Variants in ADGRG4 observed in about 807,000 individuals in gnomAD.
ADGRG4 encodes the protein G protein-coupled receptor 112.
Under a neutral mutation model 126.2 loss-of-function variants are expected in ADGRG4, and 122 were observed. The ratio of observed to expected loss-of-function variants is 0.97; its 90% CI spans 0.83 to 1.12. ADGRG4 has a LOEUF of 1.12. Among genes scored for constraint, ADGRG4 ranks in the 50% most tolerant of loss-of-function variants. The pLI is 0.00. For synonymous variants in ADGRG4, 943 were observed against 838.7 expected (o/e 1.12, Z -2.15); for missense variants, 2,481 against 2,251.8 (o/e 1.10, Z -2.06).
chrX:136,406,870 C>G (rs776395960), intron 23 of ADGRG4, among the ~76,000 whole-genome samples: 2 of 107,174 alleles, frequency 1.9e-5, no homozygotes, highest in Non-Finnish European at 3.8e-5. Context: ...GAGCTATGAT[C>G]GTGCCACTGC....
chrX:136,355,534 A>AAT (rs1446804639), intron 8 of ADGRG4, among the ~76,000 whole-genome samples: 35 of 110,144 alleles, frequency 3.2e-4, no homozygotes, highest in East Asian at 5.7e-4. Context: ...GCTTTACAGA[A>AAT]ATATATATAT....
rs769445242 is a variant in ADGRG4 at position 136,361,456 on chromosome X, G to A, written c.7146G>A (p.Glu2382=). The A allele has an allele frequency of 1.7e-6, 2 of 1,164,236 alleles. No individual in the cohort carries two copies. The highest frequency in any genetic ancestry group is 4.2e-5 in the South Asian group (2 of 47,442). The change falls in exon 12 of 26, where the codon GAG becomes GAA. Residue 2382 remains glutamate (E), a splice_region_variant and synonymous_variant. Transcript: ENST00000394143. ...AATGTGCATACATTTTCTCTGTAGA[G>A]CCTGGAAATTGCAAAGCTGATGAAA... ...NCEHVAVKKL[E]PGNCKADETA...
intron 5 of ADGRG4, among the ~76,000 whole-genome samples, chrX:136,338,221 G>A (rs1459066120): frequency 3.7e-5 from 4 of 106,727 alleles, no homozygotes; most frequent in South Asian, 4.3e-4. Context: ...ACAGTGGCGC[G>A]ATCTTGGCTC....
chrX:136,304,859 T>C lies in ADGRG4; in HGVS notation c.-174T>C, dbSNP rs989457220. 1 of 112,443 alleles carries C rather than the reference T, an allele frequency of 8.9e-6. No homozygotes were observed. Among genetic ancestry groups the C allele is most frequent in the Non-Finnish European group, 1.9e-5 (1 of 53,302 alleles). 9.3% of individuals were successfully genotyped at this position (112,443 alleles called of 1,213,427 possible). ...TGGCTCCACATCTTCTTGTAGGCTG[T>C]GTGACCCCACGTTGGGGACAGGTCA... On this transcript the variant is annotated 5_prime_UTR_variant, in exon 3 of 26. Coordinates refer to ENST00000394143, the MANE Select transcript of ADGRG4 (RefSeq NM_153834.4).
At chrX:136,366,753 T>C (rs2075160981) in intron 13 of ADGRG4, among the ~76,000 whole-genome samples, 1 of 112,315 alleles carries the variant, frequency 8.9e-6, no homozygotes, top group Non-Finnish European at 1.9e-5. Flanking sequence ...GGTATCTCAT[T>C]GTTGTTTTAA....
At position 136,412,246 on chromosome X, in the gene ADGRG4, CCTT is replaced by C. The variant is rs765527988; in HGVS notation, c.8936-10_8936-8del. On this transcript the variant is annotated splice_polypyrimidine_tract_variant and intron_variant, in intron 23 of 25. Coordinates refer to ENST00000394143, the MANE Select transcript of ADGRG4 (RefSeq NM_153834.4). ...GGTGAAAGAAACCAAAAAAGACTGA[CCTT>C]CTTCTTCTGGCTTAGGATTCTTCAT... The C allele has an allele frequency of 1.3e-5, 14 of 1,101,108 alleles. No homozygotes were observed. The highest frequency in any genetic ancestry group is 6.6e-5 in the Admixed American group (3 of 45,656). 90.7% of individuals were successfully genotyped at this position (1,101,108 alleles called of 1,213,427 possible). A position where few individuals can be genotyped will look rare whatever the true frequency, so the allele number is the denominator to read the frequency against.
intron 15 of ADGRG4, among the ~76,000 whole-genome samples, chrX:136,380,649 T>TTCTTCC (rs2075257653): frequency 6.0e-5 from 4 of 66,439 alleles, no homozygotes; most frequent in Admixed American, 1.9e-4. Context: ...CTTCTTCTTC[T>TTCTTCC]TCCTCCTCCT....
chrX:136,416,430 A>G, intron 25 of ADGRG4, 24 bp from the exon 26 acceptor site: 1 of 1,184,253 alleles, frequency 8.4e-7, no homozygotes, highest in Non-Finnish European at 1.1e-6. Flanking sequence ...GCAGCTGAAA[A>G]TTTTCTTTTT....
At chrX:136,361,352 AAT>A in intron 11 of ADGRG4, 101 bp from the exon 12 acceptor site, 1 of 314,858 alleles carries the variant, frequency 3.2e-6, no homozygotes, top group Non-Finnish European at 4.5e-6. Flanking sequence ...CGTTCATAAT[AAT>A]ATATAATATT....
At position 136,398,319 on chromosome X, in the gene ADGRG4, G is replaced by A. The variant is rs1193158505; in HGVS notation, c.8306+317G>A. On this transcript the variant is annotated intron_variant, in intron 20 of 25. Transcript: ENST00000394143. Reference sequence around the variant, plus strand: ...AAAAGACACAATTCAGATAGTGAAAGGCAAACCTTACATAGAGAGAAGATA... The same window carrying A: ...AAAAGACACAATTCAGATAGTGAAAAGCAAACCTTACATAGAGAGAAGATA... Among the ~76,000 whole-genome samples, 8 of 111,974 alleles carry A rather than the reference G, an allele frequency of 7.1e-5. No homozygotes were observed. The Admixed American group carries it at 7.5e-4, about 11-fold the overall frequency.
At chrX:136,367,985 A>G in intron 13 of ADGRG4, among the ~76,000 whole-genome samples, 1 of 112,181 alleles carries the variant, frequency 8.9e-6, no homozygotes, top group Non-Finnish European at 1.9e-5. Flanking sequence ...AGAACTTTTC[A>G]GAAAACTTTT....
At chrX:136,355,357 G>C (rs766458314) in intron 8 of ADGRG4, among the ~76,000 whole-genome samples, 2 of 110,779 alleles carry the variant, frequency 1.8e-5, no homozygotes, top group Admixed American at 9.6e-5. Context: ...ATCACACTGG[G>C]GATTGGACTT....
At position 136,350,074 on chromosome X, in the gene ADGRG4, C is replaced by T; in HGVS notation, c.6368C>T (p.Pro2123Leu). 3.3e-6 allele frequency: 4 copies of T among 1,210,533 alleles called. No homozygotes were observed. The highest frequency in any genetic ancestry group is 4.5e-6 in the Non-Finnish European group (4 of 894,670). The change falls in exon 6 of 26, where the codon CCT (proline) becomes CTT (leucine). Residue 2123 changes from proline to leucine, a missense_variant. Physicochemically the swap from Pro to Leu is moderately conservative, Grantham distance 98 (BLOSUM62 -3). Coordinates refer to ENST00000394143, the MANE Select transcript of ADGRG4 (RefSeq NM_153834.4). Reference sequence around the variant, plus strand: ...GCCAACCCCAGGACTGTGTCTCATCCTTCATCCTTCAGCAGAAAGACTATG... The same window carrying T: ...GCCAACCCCAGGACTGTGTCTCATCTTTCATCCTTCAGCAGAAAGACTATG... ...ITANPRTVSH[P>L]SSFSRKTMSP... is the part of the protein sequence containing the mutation.
chrX:136,345,669 A>G lies in ADGRG4; in HGVS notation c.1963A>G (p.Ile655Val), dbSNP rs41299092. ...AAHLFSSNET[I>V]WTSRPDQALL... Reference sequence around the variant, plus strand: ...CCATCTGTTCTCCAGCAATGAGACCATTTGGACTTCTAGGCCAGACCAGGC... The same window carrying G: ...CCATCTGTTCTCCAGCAATGAGACCGTTTGGACTTCTAGGCCAGACCAGGC... The change falls in exon 6 of 26, where the codon ATT becomes GTT. Residue 655 changes from isoleucine (I) to valine (V), a missense_variant. Physicochemically the swap from Ile to Val is conservative, Grantham distance 29 (BLOSUM62 3). Coordinates refer to ENST00000394143, the MANE Select transcript of ADGRG4 (RefSeq NM_153834.4). 6.6e-4 allele frequency: 802 copies of G among 1,209,413 alleles called. No homozygotes were observed. Among genetic ancestry groups the G allele is most frequent in the Non-Finnish European group, 8.6e-4 (770 of 894,632 alleles).
At chrX:136,324,357 A>C (rs758434482) in intron 5 of ADGRG4, among the ~76,000 whole-genome samples, 1 of 111,597 alleles carries the variant, frequency 9.0e-6, no homozygotes, top group East Asian at 2.8e-4. Context: ...ATTTTTTTAC[A>C]TTTATTAGTT....
intron 4 of ADGRG4, among the ~76,000 whole-genome samples, chrX:136,309,595 C>T (rs773181556): frequency 4.5e-5 from 5 of 111,846 alleles, no homozygotes; most frequent in Non-Finnish European, 3.8e-5. Flanking sequence ...TTAATTTGAA[C>T]GGTCCTCAAG....
At position 136,335,295 on chromosome X, in the gene ADGRG4, G is replaced by A. The variant is rs1234318975; in HGVS notation, c.686-9097G>A. On this transcript the variant is annotated intron_variant, in intron 5 of 25. Transcript: ENST00000394143. ...ATTTAGTTTGCTCATATATTGTTGAGGATTTTTGTATTTAATTTCAGGAGA... is the reference window on the plus strand; with the variant it reads ...ATTTAGTTTGCTCATATATTGTTGAAGATTTTTGTATTTAATTTCAGGAGA... 2.8e-5 allele frequency among the ~76,000 whole-genome samples: 3 copies of A among 108,969 alleles called. No individual in the cohort carries two copies. In the Admixed American group the frequency reaches 2.9e-4, roughly 11 times the overall value. The allele number at this position is 108,969 out of a possible 115,157, so 94.6% of individuals were successfully genotyped here. A position where few individuals can be genotyped will look rare whatever the true frequency, so the allele number is the denominator to read the frequency against.
At chrX:136,342,282 C>T (rs923888039) in intron 5 of ADGRG4, among the ~76,000 whole-genome samples, 19 of 111,841 alleles carry the variant, frequency 1.7e-4, no homozygotes, top group Non-Finnish European at 3.6e-4. Context: ...GGAATCTTCA[C>T]ACTGCTCTCA....
At chrX:136,302,832 T>C (rs1323145886) in intron 1 of ADGRG4, among the ~76,000 whole-genome samples, 1 of 112,250 alleles carries the variant, frequency 8.9e-6, no homozygotes, top group African/African-American at 3.2e-5. Flanking sequence ...ATCTCATTGA[T>C]TTTATACAAA....
Sources: gnomAD v4.1 joint callset for allele counts (sites outside exome capture counted in the v4.1 genomes callset) on GRCh38, gnomAD v4.1.1 for gene constraint, MANE v1.5 for transcripts, NCBI Gene and HGNC (gene_info 2026-07-23, HGNC 2026-07-21) for gene names.